Variants in MCPH1 observed in about 807,000 individuals in gnomAD.
MCPH1 encodes microcephalin 1.
MCPH1 carries 104 observed loss-of-function variants against 84.5 expected under a neutral mutation model. The observed-to-expected ratio is 1.23, with a 90% confidence interval of 1.05 to 1.45. The LOEUF (loss-of-function observed/expected upper bound fraction) is 1.45. Among genes scored for constraint, MCPH1 ranks in the 40% most tolerant of loss-of-function variants. The pLI, the probability that MCPH1 is intolerant of heterozygous loss-of-function variation, is 0.00. For missense variants in MCPH1, 1,498 were observed against 1,005.7 expected (o/e 1.49, Z -6.62); for synonymous variants, 514 against 366.8 (o/e 1.40, Z -4.58).
At chr8:6,498,547 G>C (rs1811557185) in intron 11 of MCPH1, among the ~76,000 whole-genome samples, 1 of 152,096 alleles carries the variant, frequency 6.6e-6, no homozygotes, top group African/African-American at 2.4e-5. Flanking sequence ...AAATTTAGAG[G>C]ACATAAATTT....
intron 4 of MCPH1, among the ~76,000 whole-genome samples, chr8:6,434,401 C>T (rs1008404164): frequency 3.3e-5 from 5 of 152,192 alleles, no homozygotes; most frequent in South Asian, 2.1e-4. Context: ...TGTCCCCAAA[C>T]TTCCCGGACC....
intron 13 of MCPH1, among the ~76,000 whole-genome samples, chr8:6,624,298 C>T (rs147086799): frequency 2.0e-3 from 304 of 152,380 alleles, no homozygotes; most frequent in African/African-American, 6.9e-3. Flanking sequence ...ACCAATTATG[C>T]CATCTGCCTG....
chr8:6,415,442 C>T (rs12115169), intron 3 of MCPH1, among the ~76,000 whole-genome samples: 24,732 of 151,956 alleles, frequency 0.16, 2,119 homozygotes, highest in Middle Eastern at 0.27. Flanking sequence ...CAACCTTTGC[C>T]TCCTGGGCTC....
chr8:6,608,879 C>T (rs950869775), intron 12 of MCPH1, among the ~76,000 whole-genome samples: 7 of 152,298 alleles, frequency 4.6e-5, no homozygotes, highest in African/African-American at 1.4e-4. Flanking sequence ...CCCTCCATCC[C>T]GTGTTCTGAC....
chr8:6,646,859 G>C lies in MCPH1; in HGVS notation c.*3810G>C, dbSNP rs1057192980. On this transcript the variant is annotated 3_prime_UTR_variant, in exon 14 of 14. Coordinates refer to ENST00000344683, the MANE Select transcript of MCPH1 (RefSeq NM_024596.5). ...CCTAATGTAAAAAATAAAATGTACA[G>C]AAGAAAGCATAGCAGGAAATCATTC... 1 of 152,098 alleles carries C rather than the reference G, an allele frequency of 6.6e-6. No individual in the cohort carries two copies. Among genetic ancestry groups the C allele is most frequent in the Non-Finnish European group, 1.5e-5 (1 of 68,006 alleles). 9.4% of individuals were successfully genotyped at this position (152,098 alleles called of 1,614,324 possible).
At position 6,445,250 on chromosome 8, in the gene MCPH1, T is replaced by G. The variant is rs1804137910; in HGVS notation, c.1528T>G (p.Cys510Gly). The G allele has an allele frequency of 6.2e-7, 1 of 1,614,084 alleles. No individual in the cohort carries two copies. Among genetic ancestry groups the G allele is most frequent in the South Asian group, 1.1e-5 (1 of 91,090 alleles). ...TSAPEEALRC[C>G]RQAGKEDACP... ...TGCCCCTGAAGAAGCCCTAAGGTGT[T>G]GTAGACAGGCTGGGAAAGAAGACGC... is the stretch of plus-strand genomic sequence containing the variant. The change falls in exon 8 of 14, where the codon TGT (cysteine) becomes GGT (glycine). Residue 510 changes from cysteine (C) to glycine (G), a missense_variant. Coordinates refer to ENST00000344683, the MANE Select transcript of MCPH1 (RefSeq NM_024596.5).
chr8:6,419,972 G>A (rs1170896550), intron 3 of MCPH1, among the ~76,000 whole-genome samples: 1 of 151,696 alleles, frequency 6.6e-6, no homozygotes, highest in Non-Finnish European at 1.5e-5. Context: ...TCATTGCATA[G>A]GCCAGGCTTG....
At chr8:6,623,455 G>A (rs1831698582) in intron 13 of MCPH1, among the ~76,000 whole-genome samples, 1 of 151,522 alleles carries the variant, frequency 6.6e-6, no homozygotes, top group Non-Finnish European at 1.5e-5. Flanking sequence ...ACTTTTGCAT[G>A]TCTCTAAATC....
chr8:6,598,743 C>T (rs151184287), intron 12 of MCPH1, among the ~76,000 whole-genome samples: 3 of 152,244 alleles, frequency 2.0e-5, no homozygotes, highest in South Asian at 2.1e-4. Context: ...GCGGCTCCCC[C>T]CTGCGTGGTG....
chr8:6,436,850 G>A (rs1802720182), intron 5 of MCPH1, among the ~76,000 whole-genome samples: 1 of 151,842 alleles, frequency 6.6e-6, no homozygotes, highest in Non-Finnish European at 1.5e-5. Flanking sequence ...GGCGCCTGTA[G>A]TCCCAGCTAC....
rs758637845 is a variant in MCPH1, at chr8:6,621,503, T to C, written c.2264T>C (p.Leu755Pro). 4 of 1,614,024 alleles carry C rather than the reference T, an allele frequency of 2.5e-6. No individual in the cohort carries two copies. Among genetic ancestry groups the C allele is most frequent in the Non-Finnish European group, 3.4e-6 (4 of 1,180,036 alleles). ...TCTGCAGGGCCGTACCGCGGAACCCTCTTTGCCGACCAGCCAGCGATGTTT... is the reference window on the plus strand; with the variant it reads ...TCTGCAGGGCCGTACCGCGGAACCCCCTTTGCCGACCAGCCAGCGATGTTT... ...HLSAGPYRGT[L>P]FADQPAMFVS... The change falls in exon 13 of 14, where the codon CTC (leucine) becomes CCC (proline). Residue 755 changes from leucine to proline, a missense_variant. Transcript: ENST00000344683.
intron 9 of MCPH1, among the ~76,000 whole-genome samples, chr8:6,462,628 G>GCC (rs1806405693): frequency 6.6e-6 from 1 of 152,186 alleles, no homozygotes; most frequent in African/African-American, 2.4e-5. Flanking sequence ...AGAGCCAGAT[G>GCC]CCTGGGTTCA....
intron 13 of MCPH1, among the ~76,000 whole-genome samples, chr8:6,629,088 C>G (rs1375782162): frequency 6.6e-6 from 1 of 152,220 alleles, no homozygotes; most frequent in Non-Finnish European, 1.5e-5. Context: ...GTATCTGGAG[C>G]TAGGGCCTTT....
At chr8:6,481,745 C>T (rs1050880173) in intron 11 of MCPH1, among the ~76,000 whole-genome samples, 15 of 152,132 alleles carry the variant, frequency 9.9e-5, no homozygotes, top group Non-Finnish European at 1.9e-4. Flanking sequence ...CGTTGAAATT[C>T]CAAAAGTAAG....
intron 12 of MCPH1, among the ~76,000 whole-genome samples, chr8:6,525,824 A>G (rs762433389): frequency 5.3e-5 from 8 of 152,238 alleles, no homozygotes; most frequent in Admixed American, 2.0e-4. Flanking sequence ...GCTGATGAGA[A>G]AAAGCTTATT....
intron 12 of MCPH1, among the ~76,000 whole-genome samples, chr8:6,573,401 G>A (rs1826823675): frequency 1.3e-5 from 2 of 152,106 alleles, no homozygotes; most frequent in Non-Finnish European, 2.9e-5. Context: ...CTAGATGGAT[G>A]GAATACAGGG....
chr8:6,416,623 G>C (rs188124694), intron 3 of MCPH1, among the ~76,000 whole-genome samples: 11 of 152,262 alleles, frequency 7.2e-5, no homozygotes, highest in Admixed American at 3.3e-4. Context: ...GAGGGGTTTT[G>C]TGTGTTGAAG....
chr8:6,625,505 G>A (rs1240518257), intron 13 of MCPH1: 11 of 984,286 alleles, frequency 1.1e-5, no homozygotes, highest in Non-Finnish European at 1.3e-5. Context: ...CCATTTTAAA[G>A]CACCAAATCG....
intron 12 of MCPH1, among the ~76,000 whole-genome samples, chr8:6,582,084 C>G (rs1436896040): frequency 6.6e-6 from 1 of 152,142 alleles, no homozygotes; most frequent in Non-Finnish European, 1.5e-5. Flanking sequence ...CATTAGGTAA[C>G]CTGCAGTGCT....
Sources: gnomAD v4.1 joint callset for allele counts (sites outside exome capture counted in the v4.1 genomes callset) on GRCh38, gnomAD v4.1.1 for gene constraint, MANE v1.5 for transcripts, NCBI Gene and HGNC (gene_info 2026-07-23, HGNC 2026-07-21) for gene names.